Variants in MYLK4 observed in about 807,000 individuals in gnomAD.
MYLK4 encodes myosin light chain kinase family member 4.
MYLK4 carries 46 observed loss-of-function variants against 48.1 expected under a neutral mutation model. That is an observed-to-expected ratio of 0.96 (90% CI 0.75 to 1.22). The LOEUF is 1.22. MYLK4 is among the 50% of genes most tolerant of loss of function. MYLK4 has a pLI of 0.00. For synonymous variants in MYLK4, 170 were observed against 180.8 expected (o/e 0.94, Z 0.48); for missense variants, 451 against 486.1 (o/e 0.93, Z 0.68).
At chr6:2,770,247 C>A in the MYLK4 span, 1 of 1,614,174 alleles carries the variant, frequency 6.2e-7, no homozygotes, top group Non-Finnish European at 8.5e-7. Flanking sequence ...GAGAAGCTTC[C>A]AGTAGAGGCA....
intron 2 of MYLK4, 121 bp from the exon 3 acceptor site, chr6:2,692,980 A>G: frequency 5.6e-6 from 5 of 889,254 alleles, no homozygotes; most frequent in Non-Finnish European, 8.6e-6. Flanking sequence ...GCATTACAGG[A>G]CAGCAGCATC....
At chr6:2,682,410 G>A (rs552668579) in intron 7 of MYLK4, among the ~76,000 whole-genome samples, 2 of 152,220 alleles carry the variant, frequency 1.3e-5, no homozygotes, top group Non-Finnish European at 2.9e-5. Context: ...CAATCAATAG[G>A]AGGAGAAAGA....
chr6:2,707,003 G>T lies in MYLK4; in HGVS notation c.160-14144C>A, dbSNP rs187490861. On this transcript the variant is annotated intron_variant, in intron 2 of 12. Coordinates refer to ENST00000274643, the MANE Select transcript of MYLK4 (RefSeq NM_001012418.5). Reference sequence around the variant, plus strand: ...CTGCGTCTTTCTCAAAGTGCTTAATGAACTTTTTCTTCTTTGTGAACGTCC... The same window carrying T: ...CTGCGTCTTTCTCAAAGTGCTTAATTAACTTTTTCTTCTTTGTGAACGTCC... Among the ~76,000 whole-genome samples the T allele has an allele frequency of 1.9e-3, 289 of 152,276 alleles. 1 individual carries two copies. The highest frequency in any genetic ancestry group is 6.6e-3 in the African/African-American group (274 of 41,550).
chr6:2,770,012 C>G, the MYLK4 span: 2 of 1,494,656 alleles, frequency 1.3e-6, no homozygotes, highest in Admixed American at 1.9e-5. Flanking sequence ...TTCCTGAACT[C>G]GAAAGATAAA....
At chr6:2,724,945 G>C (rs1160347633) in intron 2 of MYLK4, among the ~76,000 whole-genome samples, 2 of 152,178 alleles carry the variant, frequency 1.3e-5, no homozygotes, top group Non-Finnish European at 2.9e-5. Context: ...GAGGTCAGGA[G>C]TTTAAGACCA....
At chr6:2,668,065 C>A (rs1760729509) in intron 12 of MYLK4, among the ~76,000 whole-genome samples, 166 bp from the exon 13 acceptor site, 1 of 151,790 alleles carries the variant, frequency 6.6e-6, no homozygotes. Flanking sequence ...ATTCCACCAC[C>A]AACCAGAGTT....
At chr6:2,691,502 G>C (rs1170718292) in intron 3 of MYLK4, among the ~76,000 whole-genome samples, 1 of 152,184 alleles carries the variant, frequency 6.6e-6, no homozygotes, top group African/African-American at 2.4e-5. Flanking sequence ...AGTTGAGAAA[G>C]AAAGTCATTC....
intron 11 of MYLK4, among the ~76,000 whole-genome samples, chr6:2,674,339 T>C (rs751607574): frequency 1.2e-4 from 19 of 152,284 alleles, no homozygotes; most frequent in Non-Finnish European, 2.2e-4. Context: ...TCAAGCCAGG[T>C]GAGCACAGAA....
chr6:2,671,230 C>G (rs541175165), intron 12 of MYLK4, 46 bp downstream of exon 12: 2 of 1,267,614 alleles, frequency 1.6e-6, no homozygotes, highest in East Asian at 2.3e-5. Context: ...TTATTCCTAT[C>G]TCTTAAGGCC....
At chr6:2,765,607 G>A in the MYLK4 span, 1 of 1,502,522 alleles carries the variant, frequency 6.7e-7, no homozygotes, top group Admixed American at 2.1e-5. Flanking sequence ...GGGCGCCGGG[G>A]AGGGCGGCGG....
the MYLK4 span, among the ~76,000 whole-genome samples, chr6:2,760,455 AT>A: frequency 6.6e-6 from 1 of 152,184 alleles, no homozygotes; most frequent in African/African-American, 2.4e-5. Context: ...TGTAGGCATG[AT>A]TGATTAAATT....
chr6:2,712,916 T>C (rs915574984), intron 2 of MYLK4, among the ~76,000 whole-genome samples: 2 of 152,210 alleles, frequency 1.3e-5, no homozygotes, highest in Admixed American at 1.3e-4. Context: ...GGATGCTGGG[T>C]TCTCATCCCA....
intron 2 of MYLK4, among the ~76,000 whole-genome samples, chr6:2,739,396 T>G (rs1029626402): frequency 6.6e-6 from 1 of 152,158 alleles, no homozygotes; most frequent in African/African-American, 2.4e-5. Context: ...TTCCCGGACT[T>G]TCAGTTTCTC....
chr6:2,727,941 C>T (rs1257303271), intron 2 of MYLK4, among the ~76,000 whole-genome samples: 8 of 84,448 alleles, frequency 9.5e-5, no homozygotes, highest in South Asian at 4.9e-4. Flanking sequence ...AGCAGGACTC[C>T]GTCTCAAAAA....
At chr6:2,768,709 A>T in the MYLK4 span, 10 of 1,611,586 alleles carry the variant, frequency 6.2e-6, no homozygotes, top group African/African-American at 1.3e-5. Context: ...GGCTCACATC[A>T]TAGCCAGCAA....
chr6:2,699,748 G>C (rs149122370), intron 2 of MYLK4, among the ~76,000 whole-genome samples: 1 of 152,058 alleles, frequency 6.6e-6, no homozygotes, highest in Admixed American at 6.6e-5. Flanking sequence ...CCTTGTTGTA[G>C]AAAGGGTTAT....
At chr6:2,756,296 T>G in the MYLK4 span, among the ~76,000 whole-genome samples, 2 of 152,236 alleles carry the variant, frequency 1.3e-5, no homozygotes, top group African/African-American at 4.8e-5. Context: ...CCCTATATTC[T>G]TTATTTTGAA....
chr6:2,699,377 C>T (rs1344111118), intron 2 of MYLK4, among the ~76,000 whole-genome samples: 1 of 141,940 alleles, frequency 7.0e-6, no homozygotes, highest in Admixed American at 7.6e-5. Context: ...CTGCAACCTC[C>T]ATCTCCCGAG....
rs1268356477 is a variant in MYLK4, at chr6:2,697,000, C to G, written c.160-4141G>C. 7.9e-5 allele frequency among the ~76,000 whole-genome samples: 12 copies of G among 151,928 alleles called. No homozygotes were observed. The East Asian group carries it at 2.1e-3, about 27-fold the overall frequency. ...CTTGAACCCTGGAGGCGGAGGTTGC[C>G]GTGAGTCAAGATTACGCCACTGCAC... is the stretch of plus-strand genomic sequence containing the variant. On this transcript the variant is annotated intron_variant, in intron 2 of 12. Transcript: ENST00000274643.
Sources: gnomAD v4.1 joint callset for allele counts (sites outside exome capture counted in the v4.1 genomes callset) on GRCh38, gnomAD v4.1.1 for gene constraint, MANE v1.5 for transcripts, NCBI Gene and HGNC (gene_info 2026-07-23, HGNC 2026-07-21) for gene names.